MBNL2: variants seen among roughly 807,000 people sequenced by gnomAD.
MBNL2 encodes the protein muscleblind like splicing regulator 2.
MBNL2 carries 17 observed loss-of-function variants against 41.9 expected under a neutral mutation model. The observed-to-expected ratio is 0.41, with a 90% CI of 0.28 to 0.61. MBNL2 has a LOEUF of 0.61. Ranked by LOEUF, MBNL2 falls within the 20% of genes least tolerant of loss-of-function variation. MBNL2 has a pLI of 0.35. For missense variants in MBNL2, 336 were observed against 505.6 expected (o/e 0.66, Z 3.22); for synonymous variants, 195 against 182.9 (o/e 1.07, Z -0.53).
intron 8 of MBNL2, among the ~76,000 whole-genome samples, chr13:97,374,349 G>A (rs1166703494): frequency 6.0e-5 from 9 of 150,118 alleles, no homozygotes; most frequent in African/African-American, 2.0e-4. Flanking sequence ...GGGTTTCACC[G>A]TGTTAGCCAG....
At chr13:97,321,503 G>C (rs142347114) in intron 2 of MBNL2, among the ~76,000 whole-genome samples, 64 of 152,220 alleles carry the variant, frequency 4.2e-4, no homozygotes, top group African/African-American at 1.5e-3. Context: ...CTCACATATT[G>C]AGCCAAAAAT....
the MBNL2 span, among the ~76,000 whole-genome samples, chr13:97,194,061 A>C: frequency 6.6e-6 from 1 of 152,176 alleles, no homozygotes; most frequent in Non-Finnish European, 1.5e-5. Flanking sequence ...CAGCTTTCAG[A>C]TCTTTCTTTC....
At chr13:97,161,710 A>G in the MBNL2 span, among the ~76,000 whole-genome samples, 17 of 152,354 alleles carry the variant, frequency 1.1e-4, no homozygotes, top group African/African-American at 4.1e-4. Context: ...CTGATAGAAT[A>G]TAAACATTCC....
chr13:97,147,689 C>T, the MBNL2 span, among the ~76,000 whole-genome samples: 2 of 152,160 alleles, frequency 1.3e-5, no homozygotes, highest in South Asian at 2.1e-4. Context: ...AGCCAGAGTC[C>T]GTGTAGGTAT....
In MBNL2 at chr13:97,268,972, G is replaced by A. The variant is rs1001638328; in HGVS notation, c.-604-6660G>A. 1.3e-5 allele frequency among the ~76,000 whole-genome samples: 2 copies of A among 152,230 alleles called. No individual in the cohort carries two copies. The highest frequency in any genetic ancestry group is 6.5e-5 in the Admixed American group (1 of 15,290). ...GGGGCGCTGTTCCGGATGCAGGCCC[G>A]TGAGGAGGGCCTGCCGGAGGGTGGC... is the stretch of plus-strand genomic sequence containing the variant. On this transcript the variant is annotated intron_variant, in intron 1 of 8. Coordinates refer to ENST00000679496, the MANE Select transcript of MBNL2 (RefSeq NM_001382683.1). This position sits in a 1 kb window ranked among gnomAD's most constrained non-coding sequence, Gnocchi z 4.6.
chr13:97,217,771 AG>A (rs1047104500), upstream of MBNL2, among the ~76,000 whole-genome samples: 55 of 152,310 alleles, frequency 3.6e-4, no homozygotes, highest in African/African-American at 1.2e-3. Context: ...ATTTTTAAAA[AG>A]ATGATTTTGG....
chr13:97,191,177 G>A, the MBNL2 span, among the ~76,000 whole-genome samples: 1 of 151,670 alleles, frequency 6.6e-6, no homozygotes, highest in African/African-American at 2.4e-5. Flanking sequence ...TTGCAAATTG[G>A]TTGTGAGGCA....
chr13:97,221,474 G>C (rs921523632), upstream of MBNL2: 1 of 152,124 alleles, frequency 6.6e-6, no homozygotes, highest in East Asian at 1.9e-4. Context: ...TTTGTGGAAT[G>C]GCACCTCATG....
At chr13:97,154,700 T>G in the MBNL2 span, among the ~76,000 whole-genome samples, 1 of 152,148 alleles carries the variant, frequency 6.6e-6, no homozygotes, top group Non-Finnish European at 1.5e-5. Flanking sequence ...AACTAGAATT[T>G]GAGTCTTACT....
At chr13:97,182,407 T>G in the MBNL2 span, among the ~76,000 whole-genome samples, 1 of 152,248 alleles carries the variant, frequency 6.6e-6, no homozygotes, top group Non-Finnish European at 1.5e-5. Context: ...TGCTATGCAA[T>G]ACATATATTA....
upstream of MBNL2, among the ~76,000 whole-genome samples, chr13:97,216,864 A>G (rs1183366603): frequency 6.6e-6 from 1 of 151,518 alleles, no homozygotes; most frequent in African/African-American, 2.4e-5. Context: ...GTGTGCATGC[A>G]TGGATATATA....
upstream of MBNL2, among the ~76,000 whole-genome samples, chr13:97,219,440 C>T (rs1325758647): frequency 6.6e-6 from 1 of 152,180 alleles, no homozygotes; most frequent in African/African-American, 2.4e-5. Flanking sequence ...GACTGGGTGG[C>T]TTATACAACA....
intron 1 of MBNL2, among the ~76,000 whole-genome samples, chr13:97,272,873 C>A (rs1287679470): frequency 6.6e-6 from 1 of 152,152 alleles, no homozygotes; most frequent in Non-Finnish European, 1.5e-5. Context: ...TTGGTAGAGT[C>A]TGATCATCTG....
At chr13:97,241,352 T>C (rs2044237691) in intron 1 of MBNL2, among the ~76,000 whole-genome samples, 1 of 152,106 alleles carries the variant, frequency 6.6e-6, no homozygotes, top group African/African-American at 2.4e-5. Flanking sequence ...CAGAGTCCAT[T>C]TGATCAGCAC....
the MBNL2 span, among the ~76,000 whole-genome samples, chr13:97,147,551 A>G: frequency 6.6e-6 from 1 of 152,152 alleles, no homozygotes; most frequent in Non-Finnish European, 1.5e-5. Flanking sequence ...GAAATAGTAC[A>G]TTTCACATCC....
At chr13:97,351,985 C>G (rs934267939) in intron 5 of MBNL2, among the ~76,000 whole-genome samples, 2 of 151,410 alleles carry the variant, frequency 1.3e-5, no homozygotes, top group Non-Finnish European at 2.9e-5. Flanking sequence ...GGTCATGCCA[C>G]TGCACTCTAG....
chr13:97,168,520 AT>A, the MBNL2 span, among the ~76,000 whole-genome samples: 1 of 152,116 alleles, frequency 6.6e-6, no homozygotes, highest in South Asian at 2.1e-4. Flanking sequence ...AGCTTATCAT[AT>A]TCTAAATAAT....
intron 7 of MBNL2, among the ~76,000 whole-genome samples, chr13:97,364,616 G>A (rs1253678458): frequency 6.6e-6 from 1 of 152,148 alleles, no homozygotes; most frequent in Non-Finnish European, 1.5e-5. Flanking sequence ...AACATTTACA[G>A]TCAAACAAAC....
chr13:97,328,249 T>C (rs1008340474), intron 2 of MBNL2, among the ~76,000 whole-genome samples: 2 of 141,204 alleles, frequency 1.4e-5, no homozygotes, highest in Non-Finnish European at 3.0e-5. Context: ...GAAATGTAAC[T>C]CCAGAGCAAG....
Sources: allele counts gnomAD v4.1 joint callset (sites outside exome capture counted in the v4.1 genomes callset), GRCh38; gene constraint gnomAD v4.1.1; non-coding constraint Gnocchi (gnomAD v3.1); transcripts MANE v1.5; gene names NCBI Gene and HGNC (gene_info 2026-07-23, HGNC 2026-07-21).